The following MASP2 variants were observed in gnomAD, a reference collection of about 807,000 sequenced individuals.
MASP2 encodes the protein MBL associated serine protease 2.
MASP2 carries 49 observed loss-of-function variants against 57.1 expected under a neutral mutation model. The ratio of observed to expected loss-of-function variants is 0.86; its 90% CI spans 0.68 to 1.09. The LOEUF is 1.09. MASP2 is among the 50% of genes least tolerant of loss of function. MASP2 has a pLI of 0.00. For synonymous variants in MASP2, 379 were observed against 340.8 expected, an observed-to-expected ratio of 1.11 and a Z score of -1.24; for missense variants, 900 against 874.8, an observed-to-expected ratio of 1.03 and a Z score of -0.36.
intron 10 of MASP2, among the ~76,000 whole-genome samples, chr1:11,029,321 T>C (rs1202939655): frequency 2.0e-5 from 3 of 150,768 alleles, no homozygotes; most frequent in Non-Finnish European, 3.0e-5. Flanking sequence ...TTTTAAATCA[T>C]TCTACAGAGG....
chr1:11,042,542 G>T (rs1419437611), intron 6 of MASP2, among the ~76,000 whole-genome samples: 1 of 151,836 alleles, frequency 6.6e-6, no homozygotes, highest in African/African-American at 2.4e-5. Context: ...TGGACAAAAG[G>T]ATGGATGGGT....
intron 5 of MASP2, 123 bp from the exon 6 acceptor site, chr1:11,043,145 G>T: frequency 8.8e-7 from 1 of 1,135,140 alleles, no homozygotes; most frequent in Non-Finnish European, 1.3e-6. Context: ...GCCATGGATT[G>T]GGGTGCCCCT....
At chr1:11,044,773 C>A in intron 4 of MASP2, 10 of 1,378,486 alleles carry the variant, frequency 7.3e-6, no homozygotes, top group Non-Finnish European at 9.6e-6. Flanking sequence ...CCGACCCTCC[C>A]ACCCCAGAGA....
At chr1:11,042,625 G>A (rs1371928828) in intron 6 of MASP2, among the ~76,000 whole-genome samples, 7 of 152,006 alleles carry the variant, frequency 4.6e-5, no homozygotes, top group Admixed American at 1.3e-4. Context: ...GTGGGTAAAA[G>A]GATGAGTGGA....
chr1:11,041,326 T>TAGGC (rs1638424667), intron 6 of MASP2, among the ~76,000 whole-genome samples: 1 of 146,962 alleles, frequency 6.8e-6, no homozygotes, highest in Admixed American at 6.8e-5. Context: ...GAAGGATGGG[T>TAGGC]AGGTAGAAGG....
intron 7 of MASP2, among the ~76,000 whole-genome samples, chr1:11,035,593 C>A (rs2100885156): frequency 6.6e-6 from 1 of 151,334 alleles, no homozygotes; most frequent in East Asian, 2.0e-4. Flanking sequence ...TCCACCATTT[C>A]TTTATATAAA....
chr1:11,029,605 T>C (rs1643806390), intron 10 of MASP2: 1 of 149,912 alleles, frequency 6.7e-6, no homozygotes, highest in Admixed American at 6.7e-5. Flanking sequence ...TTTATAAATG[T>C]ATAAGTTGGT....
At position 11,027,614 on chromosome 1, in the gene MASP2, A is replaced by T. The variant is rs1189581274; in HGVS notation, c.1332T>A (p.Arg444=). ...CGLSARTTGG[R]IYGGQKAKPG... Reference sequence around the variant, plus strand: ...GTTTTGCCTTTTGCCCTCCATATATACGCCCTCCTGTTGTGCGGGCTGATA... The same window carrying T: ...GTTTTGCCTTTTGCCCTCCATATATTCGCCCTCCTGTTGTGCGGGCTGATA... Residue 444 remains arginine (R), a synonymous_variant, in exon 11 of 11, where the codon CGT becomes CGA. Coordinates refer to ENST00000400897, the MANE Select transcript of MASP2 (RefSeq NM_006610.4). 6.2e-7 allele frequency: 1 copy of T among 1,613,896 alleles called. No homozygotes were observed. Among genetic ancestry groups the T allele is most frequent in the African/African-American group, 1.3e-5 (1 of 75,062 alleles).
At chr1:11,037,560 CATTT>C in intron 7 of MASP2, 129 bp downstream of exon 7, 1 of 563,966 alleles carries the variant, frequency 1.8e-6, no homozygotes, top group Non-Finnish European at 3.0e-6. Context: ...GGCTTTTTAT[CATTT>C]AAAGATAGAC....
chr1:11,027,837 C>A (rs1486092556), intron 10 of MASP2, among the ~76,000 whole-genome samples, 189 bp from the exon 11 acceptor site: 6 of 152,154 alleles, frequency 3.9e-5, no homozygotes, highest in Non-Finnish European at 7.4e-5. Flanking sequence ...CTGATAAAAC[C>A]TTTTGGTATT....
chr1:11,030,377 AT>A, intron 9 of MASP2, 127 bp from the exon 10 acceptor site: 1 of 645,986 alleles, frequency 1.5e-6, no homozygotes, highest in Non-Finnish European at 2.7e-6. Flanking sequence ...CTGAAGAACC[AT>A]TTTACATGAT....
chr1:11,027,786 C>T (rs960264628), intron 10 of MASP2, 138 bp from the exon 11 acceptor site: 1 of 789,552 alleles, frequency 1.3e-6, no homozygotes, highest in Admixed American at 3.0e-5. Context: ...ACTACCTATA[C>T]AGGCAAGTGA....
intron 10 of MASP2, among the ~76,000 whole-genome samples, chr1:11,028,839 G>C (rs1202031685): frequency 1.3e-5 from 2 of 150,384 alleles, no homozygotes; most frequent in Non-Finnish European, 3.0e-5. Context: ...TCAGCCTCCT[G>C]AGTAGCTGGG....
In MASP2 at chr1:11,045,445, T is replaced by G. The variant is rs201972294; in HGVS notation, c.507A>C (p.Ala169=). 4 of 1,613,096 alleles carry G rather than the reference T, an allele frequency of 2.5e-6. No homozygotes were observed. The highest frequency in any genetic ancestry group is 3.4e-6 in the Non-Finnish European group (4 of 1,179,946). The change falls in exon 4 of 11, where the codon GCA becomes GCC. Residue 169 remains alanine (A), a synonymous_variant. Transcript: ENST00000400897. ...GCTTGTTACGGTGCAGGACGTAGCC[T>G]GCGCGGCAGGAGCAGTAGAAACCGC... The part of the protein sequence containing the change: ...HLGGFYCSCR[A]GYVLHRNKRT...
In MASP2 at chr1:11,045,665, C is replaced by T. The variant is rs1382857736; in HGVS notation, c.413-126G>A. 54 of 1,105,030 alleles carry T rather than the reference C, an allele frequency of 4.9e-5. No individual in the cohort carries two copies. In the East Asian group the frequency reaches 9.6e-4, roughly 20 times the overall value. 68.5% of individuals were successfully genotyped at this position (1,105,030 alleles called of 1,614,324 possible). On this transcript the variant is annotated intron_variant, in intron 3 of 10. Coordinates refer to ENST00000400897, the MANE Select transcript of MASP2 (RefSeq NM_006610.4). ...AGGAGGCCTCGTCCTGTCTAGGGTG[C>T]GGGACTGGTGCCGGGCCAATCACCT...
At chr1:11,040,553 GTGGA>G (rs963653791) in intron 6 of MASP2, among the ~76,000 whole-genome samples, 2 of 151,532 alleles carry the variant, frequency 1.3e-5, no homozygotes, top group African/African-American at 4.9e-5. Flanking sequence ...GGATGGGTGG[GTGGA>G]TGGATGGATA....
chr1:11,036,928 A>G (rs1638260346), intron 7 of MASP2, among the ~76,000 whole-genome samples: 1 of 151,880 alleles, frequency 6.6e-6, no homozygotes, highest in Non-Finnish European at 1.5e-5. Flanking sequence ...CCAGGGGGAG[A>G]ACTTTAATTT....
chr1:11,037,709 C>A lies in MASP2; in HGVS notation c.992G>T (p.Gly331Val). ...KDSFSIFCET[G>V]YELLQGHLPL... ...TTAACTCACTTGCAGAAGCTCATAG[C>A]CAGTCTCGCAAAAGATGGAGAAGCT... Residue 331 changes from glycine (G) to valine (V), a missense_variant, in exon 7 of 11, where the codon GGC (glycine) becomes GTC (valine). Transcript: ENST00000400897. 6.2e-7 allele frequency: 1 copy of A among 1,610,260 alleles called. No individual in the cohort carries two copies. Among genetic ancestry groups the A allele is most frequent in the Non-Finnish European group, 8.5e-7 (1 of 1,178,402 alleles).
rs1358755830 is a variant in MASP2, at chr1:11,029,016, A to G, written c.1297+1160T>C. On this transcript the variant is annotated intron_variant, in intron 10 of 10. Coordinates refer to ENST00000400897, the MANE Select transcript of MASP2 (RefSeq NM_006610.4). ...TTCTTTTTCTCTTTTTTTTTGAGACAGAGTCTCGCTCTGTTGCCCAGGCTG... is the reference window on the plus strand; with the variant it reads ...TTCTTTTTCTCTTTTTTTTTGAGACGGAGTCTCGCTCTGTTGCCCAGGCTG... Among the ~76,000 whole-genome samples the G allele has an allele frequency of 4.1e-5, 6 of 147,586 alleles. No homozygotes were observed. The South Asian group carries it at 1.3e-3, about 32-fold the overall frequency.
Sources: allele counts gnomAD v4.1 joint callset (sites outside exome capture counted in the v4.1 genomes callset), GRCh38; gene constraint gnomAD v4.1.1; transcripts MANE v1.5; gene names NCBI Gene and HGNC (gene_info 2026-07-23, HGNC 2026-07-21).